SPAG16: variants seen among roughly 807,000 people sequenced by gnomAD.
The protein encoded by SPAG16 is sperm associated antigen 16.
SPAG16 carries 86 observed loss-of-function variants against 80.4 expected under a neutral mutation model. The observed-to-expected ratio is 1.07, with a 90% CI of 0.90 to 1.28. The LOEUF is 1.28. SPAG16 is among the 50% of genes most tolerant of loss of function. The probability of loss-of-function intolerance (pLI) is 0.00; values close to 1 mark genes in which losing one functional copy is unlikely to be tolerated. For synonymous variants in SPAG16, 294 were observed against 265.9 expected (o/e 1.11, Z -1.03); for missense variants, 870 against 765.3 (o/e 1.14, Z -1.61).
intron 13 of SPAG16, among the ~76,000 whole-genome samples, chr2:214,068,696 G>A (rs2050643159): frequency 6.6e-6 from 1 of 151,932 alleles, no homozygotes; most frequent in South Asian, 2.1e-4. Flanking sequence ...GTTGATGACT[G>A]GCAATTATAA....
At chr2:214,282,291 A>G (rs1693007134) in intron 15 of SPAG16, among the ~76,000 whole-genome samples, 1 of 152,126 alleles carries the variant, frequency 6.6e-6, no homozygotes, top group African/African-American at 2.4e-5. Flanking sequence ...AAATTACTTA[A>G]AAAAGTGTTA....
At chr2:214,058,965 C>T (rs1239243023) in intron 13 of SPAG16, among the ~76,000 whole-genome samples, 1 of 151,846 alleles carries the variant, frequency 6.6e-6, no homozygotes, top group Non-Finnish European at 1.5e-5. Context: ...GGATCACAGT[C>T]CTTTTCTCTA....
chr2:213,384,815 T>C (rs937154399), intron 9 of SPAG16, among the ~76,000 whole-genome samples: 2 of 152,224 alleles, frequency 1.3e-5, no homozygotes, highest in Non-Finnish European at 2.9e-5. Flanking sequence ...ACATTACCAC[T>C]GTTGGCTTCC....
At chr2:213,388,739 T>G (rs540843177) in intron 9 of SPAG16, among the ~76,000 whole-genome samples, 1 of 152,278 alleles carries the variant, frequency 6.6e-6, no homozygotes, top group East Asian at 1.9e-4. Flanking sequence ...TTATTTAAAG[T>G]AGTGTCAAAA....
chr2:213,972,792 G>GAT (rs1463883707), intron 12 of SPAG16, among the ~76,000 whole-genome samples: 3 of 151,904 alleles, frequency 2.0e-5, no homozygotes, highest in African/African-American at 7.3e-5. Context: ...ATATATTCTG[G>GAT]ATATATATTT....
intron 5 of SPAG16, among the ~76,000 whole-genome samples, chr2:213,326,007 G>A (rs2063825533): frequency 6.6e-6 from 1 of 151,766 alleles, no homozygotes; most frequent in Non-Finnish European, 1.5e-5. Context: ...ATTTATTTGG[G>A]GTAGGCATTA....
chr2:213,640,011 T>C (rs1011567761), intron 10 of SPAG16, among the ~76,000 whole-genome samples: 21 of 152,316 alleles, frequency 1.4e-4, no homozygotes, highest in African/African-American at 4.6e-4. Context: ...GTCTTCCTTT[T>C]ACTTTTTCTA....
At chr2:214,198,635 C>T (rs191132465) in intron 15 of SPAG16, among the ~76,000 whole-genome samples, 8 of 152,086 alleles carry the variant, frequency 5.3e-5, no homozygotes, top group South Asian at 2.1e-4. Context: ...ATTGCTGGAT[C>T]GAATGGTAGT....
chr2:213,480,852 G>GT (rs1409598748), intron 9 of SPAG16, among the ~76,000 whole-genome samples: 1 of 152,104 alleles, frequency 6.6e-6, no homozygotes, highest in Admixed American at 6.6e-5. Context: ...CCTTTCAGAT[G>GT]TTTTTTATTA....
At chr2:213,861,038 T>C (rs1158158388) in intron 10 of SPAG16, among the ~76,000 whole-genome samples, 1 of 152,226 alleles carries the variant, frequency 6.6e-6, no homozygotes, top group African/African-American at 2.4e-5. Flanking sequence ...TTTACTTGAA[T>C]TGGCCTTCTG....
At chr2:214,399,921 T>C (rs1022752364) in intron 15 of SPAG16, among the ~76,000 whole-genome samples, 1 of 152,110 alleles carries the variant, frequency 6.6e-6, no homozygotes, top group Non-Finnish European at 1.5e-5. Context: ...TGAATAAATA[T>C]TATCCCAACA....
chr2:213,422,384 C>G, intron 9 of SPAG16: 1 of 666,320 alleles, frequency 1.5e-6, no homozygotes. Flanking sequence ...TGCCCCACTG[C>G]AGCAGCTGGC....
At chr2:214,352,157 C>CAT (rs1362534527) in intron 15 of SPAG16, among the ~76,000 whole-genome samples, 9 of 152,104 alleles carry the variant, frequency 5.9e-5, no homozygotes, top group African/African-American at 2.2e-4. Context: ...CCCAAAGGTC[C>CAT]CACCTCTTAA....
intron 10 of SPAG16, among the ~76,000 whole-genome samples, chr2:213,791,920 T>C (rs1279555320): frequency 2.0e-5 from 3 of 152,192 alleles, no homozygotes; most frequent in Non-Finnish European, 4.4e-5. Context: ...TCATCCTGTA[T>C]TGAAGTTAAA....
Position 213,377,879 on chromosome 2 carries a change from GTGTATATATATA to G in SPAG16, c.942+2762_942+2773del, listed in dbSNP as rs567269829. On this transcript the variant is annotated intron_variant, in intron 9 of 15. Transcript: ENST00000331683. ...TCCAGAGGGATAGAACTAATAGGAT[GTGTATATATATA>G]TATATATATATATTTTTTTTTTTTT... 4.1e-4 allele frequency among the ~76,000 whole-genome samples: 58 copies of G among 142,476 alleles called. 1 individual carries two copies. Among genetic ancestry groups the G allele is most frequent in the African/African-American group, 6.2e-4 (24 of 38,712 alleles). The allele number at this position is 142,476 out of a possible 152,430, so 93.5% of individuals were successfully genotyped here. A position where few individuals can be genotyped will look rare whatever the true frequency, so the allele number is the denominator to read the frequency against.
At chr2:213,988,739 C>T (rs2046142366) in intron 12 of SPAG16, among the ~76,000 whole-genome samples, 1 of 151,142 alleles carries the variant, frequency 6.6e-6, no homozygotes, top group Admixed American at 6.6e-5. Flanking sequence ...ATAACTCTAA[C>T]AAGACATACA....
intron 15 of SPAG16, among the ~76,000 whole-genome samples, chr2:214,253,466 T>G (rs972792711): frequency 6.6e-6 from 1 of 152,042 alleles, no homozygotes; most frequent in Non-Finnish European, 1.5e-5. Context: ...AATCCATCTT[T>G]AGTTAATTTT....
At chr2:214,141,030 A>G (rs555612172) in intron 14 of SPAG16, among the ~76,000 whole-genome samples, 19 of 151,360 alleles carry the variant, frequency 1.3e-4, no homozygotes, top group African/African-American at 4.4e-4. Context: ...TTTTCTGCTA[A>G]TCTTGTTTTA....
At position 214,357,302 on chromosome 2, in the gene SPAG16, A is replaced by G. The variant is rs10194844; in HGVS notation, c.1721-52838A>G. Among the ~76,000 whole-genome samples the G allele has an allele frequency of 1.0e-2, 1,518 of 152,022 alleles. 30 individuals carry two copies. Among genetic ancestry groups the G allele is most frequent in the African/African-American group, 0.035 (1,454 of 41,496 alleles). ...TTTTCTTTTGGAATAATTTCTCTCC[A>G]TATCCTATGATCTCCTACTGAAATG... On this transcript the variant is annotated intron_variant, in intron 15 of 15. Coordinates refer to ENST00000331683, the MANE Select transcript of SPAG16 (RefSeq NM_024532.5).
Sources: allele counts gnomAD v4.1 joint callset (sites outside exome capture counted in the v4.1 genomes callset), GRCh38; gene constraint gnomAD v4.1.1; transcripts MANE v1.5; gene names NCBI Gene and HGNC (gene_info 2026-07-23, HGNC 2026-07-21).